MANBAL: variants seen among roughly 807,000 people sequenced by gnomAD.
MANBAL encodes the protein protein MANBAL.
A neutral mutation model predicts 6.4 loss-of-function variants in MANBAL; 1 was observed. The observed-to-expected ratio is 0.16, with a 90% CI of 0.06 to 0.74. The LOEUF (loss-of-function observed/expected upper bound fraction) is 0.74. Ranked by LOEUF, MANBAL falls within the 30% of genes least tolerant of loss-of-function variation. The pLI is 0.78. For missense variants in MANBAL, 100 were observed against 107.8 expected (o/e 0.93, Z 0.32); for synonymous variants, 47 against 45.8 (o/e 1.03, Z -0.10).
rs1025267559 is a variant in MANBAL, at chr20:37,296,775, T to A, written c.-56-4433T>A. ...TATATTTTGTCTAATTGCCATTTTT[T>A]AAAAAAAGGCCTAAATGTATTATAG... On this transcript the variant is annotated intron_variant, in intron 1 of 2. Transcript: ENST00000373606. 3.3e-5 allele frequency: 5 copies of A among 152,284 alleles called. No homozygotes were observed. The East Asian group carries it at 9.6e-4, about 29-fold the overall frequency. The allele number at this position is 152,284 out of a possible 1,614,324, so 9.4% of individuals were successfully genotyped here. A position where few individuals can be genotyped will look rare whatever the true frequency, so the allele number is the denominator to read the frequency against.
rs147095726 is a variant in MANBAL at position 37,309,616 on chromosome 20, G to A, written c.151-6692G>A. Among the ~76,000 whole-genome samples the A allele has an allele frequency of 3.8e-3, 572 of 152,244 alleles. 5 individuals carry two copies. The highest frequency in any genetic ancestry group is 0.012 in the African/African-American group (514 of 41,550). ...ACAACCAACCAGAAAGCCCTGCAGT[G>A]TTTAGACCCCTGATGATGTTTTGGC... is the stretch of plus-strand genomic sequence containing the variant. On this transcript the variant is annotated intron_variant, in intron 2 of 2. Coordinates refer to ENST00000373606, the MANE Select transcript of MANBAL (RefSeq NM_001003897.2).
intron 1 of MANBAL, among the ~76,000 whole-genome samples, chr20:37,294,708 A>T (rs746761100): frequency 2.0e-5 from 3 of 152,156 alleles, no homozygotes; most frequent in Admixed American, 6.5e-5. Context: ...ACCACCTCAT[A>T]TTAAATAGTA....
chr20:37,302,363 G>A (rs905879217), intron 2 of MANBAL: 17 of 1,549,472 alleles, frequency 1.1e-5, no homozygotes, highest in Non-Finnish European at 1.4e-5. Flanking sequence ...ACTCCCTACT[G>A]TGTGGCATCA....
At chr20:37,302,310 A>T in intron 2 of MANBAL, 1 of 1,550,538 alleles carries the variant, frequency 6.4e-7, no homozygotes, top group South Asian at 1.2e-5. Flanking sequence ...ATTCCATTCC[A>T]GTCAGGTTAT....
intron 1 of MANBAL, among the ~76,000 whole-genome samples, chr20:37,295,772 A>C (rs1026964152): frequency 6.6e-6 from 1 of 152,228 alleles, no homozygotes; most frequent in Admixed American, 6.5e-5. Context: ...TGCTGTTCGC[A>C]ACACCTGGCC....
intron 1 of MANBAL, among the ~76,000 whole-genome samples, chr20:37,300,159 T>G (rs2069100239): frequency 6.6e-6 from 1 of 152,144 alleles, no homozygotes; most frequent in Non-Finnish European, 1.5e-5. Flanking sequence ...GGCTTTACAT[T>G]TTACTCAATC....
At chr20:37,307,896 G>A (rs181825306) in intron 2 of MANBAL, among the ~76,000 whole-genome samples, 11 of 152,284 alleles carry the variant, frequency 7.2e-5, no homozygotes, top group East Asian at 1.9e-4. Context: ...AGTAGTTTCC[G>A]TGCAATGTAG....
intron 2 of MANBAL, among the ~76,000 whole-genome samples, chr20:37,309,759 T>C (rs569525231): frequency 2.0e-5 from 3 of 152,080 alleles, no homozygotes; most frequent in Non-Finnish European, 4.4e-5. Context: ...ACAAGGGTCT[T>C]GATTTTAAAC....
chr20:37,304,405 C>G (rs529344977), intron 2 of MANBAL, among the ~76,000 whole-genome samples: 1 of 152,270 alleles, frequency 6.6e-6, no homozygotes, highest in Non-Finnish European at 1.5e-5. Flanking sequence ...CTCCTCCACC[C>G]TATTCCCTTC....
intron 1 of MANBAL, among the ~76,000 whole-genome samples, chr20:37,294,869 G>C (rs1311302670): frequency 6.6e-6 from 1 of 152,196 alleles, no homozygotes; most frequent in African/African-American, 2.4e-5. Context: ...ATAAATATTT[G>C]TCCAATGAAT....
intron 1 of MANBAL, among the ~76,000 whole-genome samples, chr20:37,299,912 A>G (rs2146800967): frequency 6.6e-6 from 1 of 152,264 alleles, no homozygotes; most frequent in South Asian, 2.1e-4. Flanking sequence ...TGACTAGGAT[A>G]TTAGGAGTGG....
chr20:37,312,961 C>G (rs1405482657), intron 2 of MANBAL, among the ~76,000 whole-genome samples: 1 of 152,184 alleles, frequency 6.6e-6, no homozygotes, highest in Non-Finnish European at 1.5e-5. Context: ...GAATGAAGTT[C>G]TCATGGTTAC....
rs142704682 is a variant in MANBAL, at chr20:37,308,130, C to T, written c.150+6717C>T. On this transcript the variant is annotated intron_variant, in intron 2 of 2. Transcript: ENST00000373606. ...AGCCACTAAACACAACCATGCCTTC[C>T]TGCTGGTCTCAGTTCCAGCATCCCC... Among the ~76,000 whole-genome samples, 617 of 152,280 alleles carry T rather than the reference C, an allele frequency of 4.1e-3. 3 individuals carry two copies. The highest frequency in any genetic ancestry group is 6.4e-3 in the Non-Finnish European group (435 of 68,018).
intron 1 of MANBAL, among the ~76,000 whole-genome samples, chr20:37,296,403 T>C (rs1010456236): frequency 6.6e-5 from 10 of 152,282 alleles, no homozygotes; most frequent in South Asian, 4.1e-4. Context: ...TTTTGATCTT[T>C]AGCCCATGAA....
At chr20:37,313,460 T>C (rs1407901942) in intron 2 of MANBAL, among the ~76,000 whole-genome samples, 1 of 152,162 alleles carries the variant, frequency 6.6e-6, no homozygotes, top group Non-Finnish European at 1.5e-5. Context: ...ATCCCAGCAC[T>C]GTGGGAGGCT....
Position 37,316,422 on chromosome 20 carries a change from A to G in MANBAL, c.*7A>G. ...GACTAAGAAGAAGCGGTAGAAGAGG[A>G]GGCCTGAGGAGCTGGGCGGGCAGGG... On this transcript the variant is annotated 3_prime_UTR_variant, in exon 3 of 3. Coordinates refer to ENST00000373606, the MANE Select transcript of MANBAL (RefSeq NM_001003897.2). 6.2e-7 allele frequency: 1 copy of G among 1,610,678 alleles called. No individual in the cohort carries two copies.
intron 2 of MANBAL, among the ~76,000 whole-genome samples, chr20:37,313,240 G>A (rs542997421): frequency 1.3e-4 from 20 of 152,236 alleles, no homozygotes; most frequent in African/African-American, 4.1e-4. Context: ...AGCCAGTAGC[G>A]GGTGCCTGTA....
At chr20:37,302,079 CT>C (rs1310487437) in intron 2 of MANBAL, among the ~76,000 whole-genome samples, 1 of 152,174 alleles carries the variant, frequency 6.6e-6, no homozygotes, top group African/African-American at 2.4e-5. Context: ...GTTGTTTTGA[CT>C]CTTCTTCTGT....
rs559787803 is a variant in MANBAL, at chr20:37,308,698, T to C, written c.150+7285T>C. Among the ~76,000 whole-genome samples the C allele has an allele frequency of 2.6e-5, 4 of 152,256 alleles. No individual in the cohort carries two copies. In the East Asian group the frequency reaches 5.8e-4, roughly 22 times the overall value. On this transcript the variant is annotated intron_variant, in intron 2 of 2. Coordinates refer to ENST00000373606, the MANE Select transcript of MANBAL (RefSeq NM_001003897.2). ...AGGTTTCTTCTCAAGGTGGGGAGCC[T>C]GTCTTCCTCCTCCCCATAACCCTCC...
Sources: allele counts gnomAD v4.1 joint callset (sites outside exome capture counted in the v4.1 genomes callset), GRCh38; gene constraint gnomAD v4.1.1; transcripts MANE v1.5; gene names NCBI Gene and HGNC (gene_info 2026-07-23, HGNC 2026-07-21).